Variants in BLTP3B observed in about 807,000 individuals in gnomAD.
BLTP3B encodes the protein bridge-like lipid transfer protein family member 3B.
the BLTP3B span, among the ~76,000 whole-genome samples, chr12:100,132,323 G>A: frequency 2.6e-5 from 4 of 152,178 alleles, no homozygotes; most frequent in Non-Finnish European, 5.9e-5. Flanking sequence ...AATTCATGTT[G>A]AAATCTGATC....
At chr12:100,127,440 A>G in the BLTP3B span, among the ~76,000 whole-genome samples, 1 of 152,256 alleles carries the variant, frequency 6.6e-6, no homozygotes, top group Admixed American at 6.5e-5. Flanking sequence ...CTCTTAGGTA[A>G]GTATGTAATA....
At chr12:100,039,474 G>T in the BLTP3B span, 1 of 1,044,546 alleles carries the variant, frequency 9.6e-7, no homozygotes, top group Non-Finnish European at 1.3e-6. Flanking sequence ...CAAAGCACCT[G>T]GGCACAATAA....
At chr12:100,070,111 T>C in the BLTP3B span, 2 of 1,518,058 alleles carry the variant, frequency 1.3e-6, no homozygotes, top group Non-Finnish European at 8.9e-7. Context: ...CCCTATGAGA[T>C]GCAGAGCAGA....
chr12:100,051,571 C>G, the BLTP3B span: 1 of 178,820 alleles, frequency 5.6e-6, no homozygotes, highest in African/African-American at 2.4e-5. Flanking sequence ...ATTGTATTTA[C>G]TACTCTGTAG....
At chr12:100,087,107 C>T in the BLTP3B span, among the ~76,000 whole-genome samples, 4 of 132,338 alleles carry the variant, frequency 3.0e-5, no homozygotes, top group East Asian at 2.1e-4. Context: ...TGCAGTGAGC[C>T]GAGTTTGAGC....
At chr12:100,067,495 A>G in the BLTP3B span, among the ~76,000 whole-genome samples, 1 of 152,194 alleles carries the variant, frequency 6.6e-6, no homozygotes, top group Non-Finnish European at 1.5e-5. Context: ...TAAGAAACAA[A>G]ACAGGAGATA....
chr12:100,113,736 T>C, the BLTP3B span, among the ~76,000 whole-genome samples: 1 of 150,878 alleles, frequency 6.6e-6, no homozygotes, highest in Admixed American at 6.6e-5. Context: ...GGTAGGAAGA[T>C]AACTTGAGGC....
At chr12:100,095,820 G>C in the BLTP3B span, 1 of 1,607,522 alleles carries the variant, frequency 6.2e-7, no homozygotes, top group Non-Finnish European at 8.5e-7. Context: ...TTGTTGCTAT[G>C]ACATTGCAGT....
chr12:100,098,816 C>T, the BLTP3B span, among the ~76,000 whole-genome samples: 10 of 151,474 alleles, frequency 6.6e-5, no homozygotes, highest in African/African-American at 1.7e-4. Context: ...GGCTGAGGGA[C>T]GAGAATCACC....
At chr12:100,049,600 A>C in the BLTP3B span, among the ~76,000 whole-genome samples, 1 of 152,192 alleles carries the variant, frequency 6.6e-6, no homozygotes, top group Non-Finnish European at 1.5e-5. Flanking sequence ...ACTACTTATT[A>C]ACATTCCAGA....
the BLTP3B span, among the ~76,000 whole-genome samples, chr12:100,120,922 A>T: frequency 6.6e-6 from 1 of 152,270 alleles, no homozygotes; most frequent in Non-Finnish European, 1.5e-5. Flanking sequence ...GTAAACGGAT[A>T]AATTGTGGTA....
At chr12:100,104,332 T>C in the BLTP3B span, among the ~76,000 whole-genome samples, 1 of 151,150 alleles carries the variant, frequency 6.6e-6, no homozygotes, top group African/African-American at 2.4e-5. Context: ...AGCCTCCCAG[T>C]AGCTGAGATT....
the BLTP3B span, among the ~76,000 whole-genome samples, chr12:100,140,729 A>AATATATATATAT: frequency 4.7e-4 from 29 of 61,470 alleles, 1 homozygote; most frequent in African/African-American, 2.5e-3. Flanking sequence ...AAAAAAAAAA[A>AATATATATATAT]ATATATATAT....
chr12:100,062,865 G>T, the BLTP3B span, among the ~76,000 whole-genome samples: 5 of 152,074 alleles, frequency 3.3e-5, no homozygotes, highest in Admixed American at 6.5e-5. Context: ...CGAGGCTGAG[G>T]TGGGAAGGTC....
the BLTP3B span, among the ~76,000 whole-genome samples, chr12:100,142,387 T>G: frequency 2.6e-5 from 4 of 152,040 alleles, no homozygotes; most frequent in African/African-American, 9.7e-5. Context: ...AGAAGACGCG[T>G]CAGGGGCCGA....
chr12:100,118,077 GA>G, the BLTP3B span, among the ~76,000 whole-genome samples: 1 of 149,700 alleles, frequency 6.7e-6, no homozygotes, highest in Non-Finnish European at 1.5e-5. Context: ...CTTGGTCCCA[GA>G]AAAAAAAATG....
the BLTP3B span, among the ~76,000 whole-genome samples, chr12:100,141,851 A>G: frequency 5.3e-5 from 8 of 152,066 alleles, no homozygotes; most frequent in Non-Finnish European, 1.2e-4. Context: ...GGAGAGAATG[A>G]CATGTCTTGG....
the BLTP3B span, chr12:100,142,827 A>G: frequency 1.2e-5 from 9 of 726,914 alleles, no homozygotes; most frequent in Non-Finnish European, 1.9e-5. Flanking sequence ...TCAGGCCGCC[A>G]CGGCCGCCGC....
At chr12:100,090,748 T>C in the BLTP3B span, among the ~76,000 whole-genome samples, 1 of 152,144 alleles carries the variant, frequency 6.6e-6, no homozygotes, top group Admixed American at 6.6e-5. Flanking sequence ...TATTAATTAA[T>C]TGTTAAACTG....
Sources: allele counts gnomAD v4.1 joint callset (sites outside exome capture counted in the v4.1 genomes callset), GRCh38; gene constraint gnomAD v4.1.1; transcripts MANE v1.5; gene names NCBI Gene and HGNC (gene_info 2026-07-23, HGNC 2026-07-21).